The following NEK10 variants were observed in gnomAD, a reference collection of about 807,000 sequenced individuals.
The protein encoded by NEK10 is serine/threonine-protein kinase Nek10.
In NEK10, 122 loss-of-function variants were observed where a neutral mutation model predicts 159.8. That is an observed-to-expected ratio of 0.76 (90% CI 0.66 to 0.89). NEK10 has a LOEUF of 0.89. Ranked by LOEUF, NEK10 falls within the 40% of genes least tolerant of loss-of-function variation. The pLI is 0.00. For synonymous variants in NEK10, 466 were observed against 457.1 expected (o/e 1.02, Z -0.25); for missense variants, 1,342 against 1,323.1 (o/e 1.01, Z -0.22).
intron 25 of NEK10, among the ~76,000 whole-genome samples, chr3:27,197,224 A>G (rs1448256679): frequency 2.0e-5 from 3 of 152,006 alleles, no homozygotes; most frequent in African/African-American, 7.2e-5. Flanking sequence ...CACCCAGGCT[A>G]GAGTGCAACG....
intron 23 of NEK10, among the ~76,000 whole-genome samples, chr3:27,249,138 G>T (rs1380890163): frequency 6.6e-6 from 1 of 152,116 alleles, no homozygotes; most frequent in African/African-American, 2.4e-5. Flanking sequence ...TTTTGTGTTT[G>T]GTAGTTCCTC....
At chr3:27,252,614 C>T (rs1237264527) in intron 23 of NEK10, among the ~76,000 whole-genome samples, 1 of 152,034 alleles carries the variant, frequency 6.6e-6, no homozygotes, top group African/African-American at 2.4e-5. Context: ...ACAAAATCAA[C>T]AAAAAGTTCA....
At chr3:27,358,403 A>G (rs1315348067) in intron 1 of NEK10, among the ~76,000 whole-genome samples, 4 of 152,190 alleles carry the variant, frequency 2.6e-5, no homozygotes, top group African/African-American at 9.7e-5. Context: ...AGCTATAATC[A>G]CAGTTATGAT....
chr3:27,244,990 A>G (rs1954918291), intron 23 of NEK10, among the ~76,000 whole-genome samples: 1 of 152,172 alleles, frequency 6.6e-6, no homozygotes, highest in African/African-American at 2.4e-5. Flanking sequence ...TTCCAAGTTT[A>G]TCCTTCCTTG....
chr3:27,262,640 T>TG (rs2040518859), intron 22 of NEK10, among the ~76,000 whole-genome samples: 1 of 152,252 alleles, frequency 6.6e-6, no homozygotes, highest in Non-Finnish European at 1.5e-5. Flanking sequence ...CTGAGGCTTG[T>TG]GCATTCATCA....
chr3:27,174,784 C>A lies in NEK10; in HGVS notation c.2555G>T (p.Ser852Ile). ...SLSSSSSGAASLKSELSESAD... is the reference protein window; with the variant it reads ...SLSSSSSGAAILKSELSESAD... ...GCTTTCTGAAAGTTCACTTTTCAGG[C>A]TGGCTGCTCCACTGCTGCTGCTACT... The change falls in exon 27 of 36, where the codon AGC becomes ATC. Residue 852 changes from serine to isoleucine, a missense_variant. Coordinates refer to ENST00000691995, the MANE Select transcript of NEK10 (RefSeq NM_001394966.1). The A allele has an allele frequency of 6.2e-7, 1 of 1,611,076 alleles. No individual in the cohort carries two copies. The highest frequency in any genetic ancestry group is 8.5e-7 in the Non-Finnish European group (1 of 1,178,966).
intron 1 of NEK10, among the ~76,000 whole-genome samples, chr3:27,367,957 G>A (rs2049218019): frequency 6.6e-6 from 1 of 152,112 alleles, no homozygotes; most frequent in African/African-American, 2.4e-5. Flanking sequence ...ATCATTGCAG[G>A]ACTTTAAGTA....
At chr3:27,242,895 G>A (rs933783196) in intron 23 of NEK10, among the ~76,000 whole-genome samples, 3 of 152,146 alleles carry the variant, frequency 2.0e-5, no homozygotes, top group Non-Finnish European at 2.9e-5. Context: ...ATGCCTTTCA[G>A]TGAAAATGAA....
chr3:27,309,026 A>C (rs772857225), intron 9 of NEK10, 21 bp from the exon 10 acceptor site: 12 of 1,290,258 alleles, frequency 9.3e-6, no homozygotes, highest in Middle Eastern at 1.9e-4. Context: ...AAGTAAAATA[A>C]AGTTTAATTA....
chr3:27,136,588 C>T (rs1302096525), intron 31 of NEK10, among the ~76,000 whole-genome samples: 1 of 152,084 alleles, frequency 6.6e-6, no homozygotes, highest in East Asian at 1.9e-4. Context: ...ACTTTAGTCA[C>T]CTTATATGTC....
chr3:27,246,509 C>T (rs891961449), intron 23 of NEK10, among the ~76,000 whole-genome samples: 3 of 152,092 alleles, frequency 2.0e-5, no homozygotes, highest in Non-Finnish European at 4.4e-5. Context: ...AATCACATCA[C>T]AGTAAATAGG....
chr3:27,308,092 C>T (rs2044381914), intron 10 of NEK10, 147 bp from the exon 11 acceptor site: 1 of 554,470 alleles, frequency 1.8e-6, no homozygotes, highest in South Asian at 2.3e-5. Context: ...TTCAGCATGG[C>T]TAGGGAGGCC....
At chr3:27,158,282 C>T (rs189378722) in intron 30 of NEK10, among the ~76,000 whole-genome samples, 1 of 152,090 alleles carries the variant, frequency 6.6e-6, no homozygotes. Flanking sequence ...TGACTAAAAC[C>T]TGTGAGCAAA....
chr3:27,214,830 T>C, intron 23 of NEK10: 3 of 1,185,328 alleles, frequency 2.5e-6, no homozygotes. Flanking sequence ...GTGTAGAAGA[T>C]ATGGAGCCTG....
intron 23 of NEK10, among the ~76,000 whole-genome samples, chr3:27,224,334 G>A (rs1161364073): frequency 6.6e-6 from 1 of 152,218 alleles, no homozygotes; most frequent in Admixed American, 6.5e-5. Context: ...GGTGAGAGCT[G>A]TAGCAGCTTC....
intron 23 of NEK10, among the ~76,000 whole-genome samples, chr3:27,204,983 C>G (rs1335286609): frequency 6.8e-6 from 1 of 148,102 alleles, no homozygotes; most frequent in East Asian, 2.0e-4. Context: ...TGTTTCCTGA[C>G]TTTTTAATGA....
At chr3:27,295,567 A>G in intron 15 of NEK10, 46 bp downstream of exon 15, 1 of 1,533,466 alleles carries the variant, frequency 6.5e-7, no homozygotes, top group East Asian at 2.4e-5. Context: ...TAGTTACCCA[A>G]GATTTCAATA....
chr3:27,267,824 G>C (rs1459380030), intron 22 of NEK10, among the ~76,000 whole-genome samples: 2 of 152,146 alleles, frequency 1.3e-5, no homozygotes, highest in Admixed American at 6.5e-5. Flanking sequence ...TCAAAAGCTA[G>C]AAATGATGAA....
At chr3:27,157,792 ATTG>A (rs1945632289) in intron 30 of NEK10, among the ~76,000 whole-genome samples, 1 of 152,134 alleles carries the variant, frequency 6.6e-6, no homozygotes, top group Non-Finnish European at 1.5e-5. Context: ...AGCAAACTTC[ATTG>A]TTATCTTATT....
Sources: allele counts gnomAD v4.1 joint callset (sites outside exome capture counted in the v4.1 genomes callset), GRCh38; gene constraint gnomAD v4.1.1; transcripts MANE v1.5; gene names NCBI Gene and HGNC (gene_info 2026-07-23, HGNC 2026-07-21).